Variants in DENND1A observed in about 807,000 individuals in gnomAD.
The protein encoded by DENND1A is DENN domain-containing protein 1A.
DENND1A carries 51 observed loss-of-function variants against 113.7 expected under a neutral mutation model. That is an observed-to-expected ratio of 0.45 (90% CI 0.36 to 0.57). DENND1A has a LOEUF of 0.57. Ranked by LOEUF, DENND1A falls within the 20% of genes least tolerant of loss-of-function variation. The pLI is 0.00. For missense variants in DENND1A, 1,258 were observed against 1,395.9 expected, an observed-to-expected ratio of 0.90 and a Z score of 1.57; for synonymous variants, 565 against 570.8, an observed-to-expected ratio of 0.99 and a Z score of 0.14.
chr9:123,890,404 T>C (rs1048607445), intron 1 of DENND1A, among the ~76,000 whole-genome samples: 7 of 152,208 alleles, frequency 4.6e-5, no homozygotes, highest in Admixed American at 4.6e-4. Context: ...TGAAGCTATT[T>C]ATGGAGGAAT....
chr9:123,383,618 G>T (rs763833737), intron 23 of DENND1A, 37 bp downstream of exon 23: 4 of 1,593,698 alleles, frequency 2.5e-6, no homozygotes, highest in Non-Finnish European at 3.4e-6. Context: ...GGACAGTGCC[G>T]GCCCCCGGCC....
At chr9:123,384,041 C>T (rs1004236348) in intron 22 of DENND1A, 128 bp from the exon 23 acceptor site, 54 of 1,279,202 alleles carry the variant, frequency 4.2e-5, no homozygotes, top group East Asian at 9.8e-5. Flanking sequence ...GAGAGTGTCC[C>T]GGGGTCTCCG....
chr9:123,888,220 A>G (rs573979831), intron 1 of DENND1A, among the ~76,000 whole-genome samples: 1 of 152,300 alleles, frequency 6.6e-6, no homozygotes, highest in East Asian at 1.9e-4. Context: ...AATGATGGGG[A>G]TACATTGAAG....
intron 1 of DENND1A, among the ~76,000 whole-genome samples, chr9:123,913,113 TAAAAAAAAAAAA>T (rs915063969): frequency 4.6e-5 from 4 of 86,744 alleles, no homozygotes; most frequent in South Asian, 7.7e-4. Flanking sequence ...AAAGACAGTT[TAAAAAAAAAAAA>T]AAAAAAAAAA....
rs113668607 is a variant in DENND1A, at chr9:123,721,671, A to G, written c.302+36032T>C. On this transcript the variant is annotated intron_variant, in intron 5 of 23. Transcript: ENST00000394215. The stretch of plus-strand genomic sequence containing the variant: ...GTTCTGATGATAATGAATCAGTCTC[A>G]TGAGATCTAATGGCTATAAAAATGG... Among the ~76,000 whole-genome samples the G allele has an allele frequency of 5.3e-5, 8 of 152,308 alleles. 1 individual carries two copies. Among genetic ancestry groups the G allele is most frequent in the African/African-American group, 1.9e-4 (8 of 41,568 alleles).
intron 10 of DENND1A, among the ~76,000 whole-genome samples, chr9:123,614,780 G>T (rs1159256037): frequency 2.0e-5 from 3 of 152,136 alleles, no homozygotes; most frequent in African/African-American, 7.2e-5. Context: ...ACACATCACA[G>T]TGTCACCTTA....
chr9:123,706,299 C>T (rs1036296437), intron 5 of DENND1A, among the ~76,000 whole-genome samples: 3 of 151,706 alleles, frequency 2.0e-5, no homozygotes, highest in Non-Finnish European at 4.4e-5. Context: ...TACAGGCGTC[C>T]GCCACCATGC....
intron 10 of DENND1A, among the ~76,000 whole-genome samples, chr9:123,612,500 CT>C (rs975634746): frequency 1.3e-5 from 2 of 152,178 alleles, no homozygotes; most frequent in African/African-American, 4.8e-5. Flanking sequence ...ACATTAACAG[CT>C]TTATATCTTT....
intron 2 of DENND1A, among the ~76,000 whole-genome samples, chr9:123,873,097 A>G (rs1275935960): frequency 6.6e-6 from 1 of 152,248 alleles, no homozygotes; most frequent in Admixed American, 6.5e-5. Flanking sequence ...TAAAATGGCA[A>G]AAATAATGCA....
In DENND1A at chr9:123,767,382, A is replaced by C. The variant is rs184038684; in HGVS notation, c.182+2132T>G. Among the ~76,000 whole-genome samples the C allele has an allele frequency of 6.6e-5, 10 of 151,874 alleles. No individual in the cohort carries two copies. In the East Asian group the frequency reaches 1.9e-3, roughly 29 times the overall value. ...AGGAATGAAATATTCAAAAAGAAAC[A>C]TTTCTGTCCTCAAATCCTTTTGTAA... On this transcript the variant is annotated intron_variant, in intron 4 of 23. Transcript: ENST00000394215.
At chr9:123,809,875 C>T (rs943910966) in intron 2 of DENND1A, among the ~76,000 whole-genome samples, 3 of 152,048 alleles carry the variant, frequency 2.0e-5, no homozygotes, top group Non-Finnish European at 4.4e-5. Flanking sequence ...TTCACCACGT[C>T]GGCCAGGCTG....
chr9:123,917,450 TG>T (rs1348727322), intron 1 of DENND1A, among the ~76,000 whole-genome samples: 7 of 152,072 alleles, frequency 4.6e-5, no homozygotes, highest in Admixed American at 2.0e-4. Context: ...ATGGTGTTGG[TG>T]TTGTTGGAAA....
intron 2 of DENND1A, among the ~76,000 whole-genome samples, chr9:123,870,003 CAAAA>C (rs11430845): frequency 1.3e-5 from 1 of 78,582 alleles, no homozygotes; most frequent in Non-Finnish European, 2.8e-5. Flanking sequence ...GACCCTGTCT[CAAAA>C]AAAAAAAAAA....
intron 5 of DENND1A, among the ~76,000 whole-genome samples, chr9:123,711,407 A>T (rs943853672): frequency 6.6e-6 from 1 of 150,984 alleles, no homozygotes; most frequent in Non-Finnish European, 1.5e-5. Context: ...CAGATGTTGC[A>T]GTGAGCCAAG....
At chr9:123,632,909 ATAT>A (rs999639378) in intron 9 of DENND1A, among the ~76,000 whole-genome samples, 5 of 150,360 alleles carry the variant, frequency 3.3e-5, no homozygotes, top group Non-Finnish European at 7.4e-5. Context: ...AATAATAATA[ATAT>A]TATTATTATT....
chr9:123,850,742 T>C (rs762699385), intron 2 of DENND1A, among the ~76,000 whole-genome samples: 21 of 152,184 alleles, frequency 1.4e-4, no homozygotes, highest in Non-Finnish European at 2.9e-4. Context: ...GTTTTTGTGA[T>C]GATTAAAAGA....
At chr9:123,883,355 A>G (rs959850575) in intron 1 of DENND1A, among the ~76,000 whole-genome samples, 6 of 152,228 alleles carry the variant, frequency 3.9e-5, no homozygotes, top group Non-Finnish European at 2.9e-5. Context: ...GAAGGCATAA[A>G]GAATAGAGTT....
rs1218806868 is a variant in DENND1A at position 123,522,879 on chromosome 9, T to C, written c.993+34691A>G. Reference sequence around the variant, plus strand: ...TAGAGAGATGGAGCCACAAGCAGATTTGCTTTTGATAAGTGGCAGCATCTG... The same window carrying C: ...TAGAGAGATGGAGCCACAAGCAGATCTGCTTTTGATAAGTGGCAGCATCTG... On this transcript the variant is annotated intron_variant, in intron 13 of 23. Transcript: ENST00000394215. Among the ~76,000 whole-genome samples the C allele has an allele frequency of 2.6e-5, 4 of 152,204 alleles. No homozygotes were observed. In the East Asian group the frequency reaches 7.7e-4, roughly 29 times the overall value.
At chr9:123,605,670 G>T (rs1248761808) in intron 11 of DENND1A, among the ~76,000 whole-genome samples, 1 of 152,226 alleles carries the variant, frequency 6.6e-6, no homozygotes, top group Admixed American at 6.5e-5. Context: ...GACTCTGTAA[G>T]GTGACTAGGT....
Sources: allele counts gnomAD v4.1 joint callset (sites outside exome capture counted in the v4.1 genomes callset), GRCh38; gene constraint gnomAD v4.1.1; transcripts MANE v1.5; gene names NCBI Gene and HGNC (gene_info 2026-07-23, HGNC 2026-07-21).